LMO2: variants seen among roughly 807,000 people sequenced by gnomAD.
LMO2 encodes LIM domain only 2, also known as rhombotin-2.
LMO2 carries 20 observed loss-of-function variants against 23.2 expected under a neutral mutation model. The ratio of observed to expected loss-of-function variants is 0.86; its 90% CI spans 0.61 to 1.25. The LOEUF (loss-of-function observed/expected upper bound fraction) is 1.25. Ranked by LOEUF, LMO2 falls within the 50% of genes most tolerant of loss-of-function variation. The probability of loss-of-function intolerance (pLI) is 0.00; values close to 1 mark genes in which losing one functional copy is unlikely to be tolerated. For synonymous variants in LMO2, 123 were observed against 130.2 expected (o/e 0.94, Z 0.38); for missense variants, 270 against 315.3 (o/e 0.86, Z 1.09).
rs143851028 is a variant in LMO2 at position 33,864,917 on chromosome 11, G to A, written c.249-100C>T. 78 of 1,027,600 alleles carry A rather than the reference G, an allele frequency of 7.6e-5. 1 individual carries two copies. In the East Asian group the frequency reaches 1.9e-3, roughly 24 times the overall value. The allele number at this position is 1,027,600 out of a possible 1,614,324, so 63.7% of individuals were successfully genotyped here. A position where few individuals can be genotyped will look rare whatever the true frequency, so the allele number is the denominator to read the frequency against. On this transcript the variant is annotated intron_variant, in intron 4 of 5. Coordinates refer to ENST00000257818, the MANE Select transcript of LMO2 (RefSeq NM_005574.4). This position sits in a 1 kb window ranked among gnomAD's most constrained non-coding sequence, Gnocchi z 4.8. ...GCCAGACAGGGCATCTCACCTGACT[G>A]CCTTTCAGTGACCTAAGGGAGAAGG... is the stretch of plus-strand genomic sequence containing the variant.
At chr11:33,891,501 G>T (rs922451931) in intron 1 of LMO2, among the ~76,000 whole-genome samples, 2 of 152,034 alleles carry the variant, frequency 1.3e-5, no homozygotes, top group African/African-American at 4.8e-5. Context: ...GAACAAATTA[G>T]ATGGGTAAAT....
chr11:33,878,926 G>T (rs1857199552), intron 2 of LMO2, among the ~76,000 whole-genome samples: 1 of 152,226 alleles, frequency 6.6e-6, no homozygotes, highest in Admixed American at 6.5e-5. Flanking sequence ...CATTCCTTTT[G>T]AATTGAAGCC....
chr11:33,868,440 C>T (rs1856865660), intron 4 of LMO2, among the ~76,000 whole-genome samples: 1 of 152,160 alleles, frequency 6.6e-6, no homozygotes, highest in African/African-American at 2.4e-5. Flanking sequence ...ATTCTCAAAA[C>T]CAGACAGCTA....
intron 4 of LMO2, among the ~76,000 whole-genome samples, chr11:33,869,112 C>A (rs1157005143): frequency 6.6e-6 from 1 of 152,222 alleles, no homozygotes; most frequent in Non-Finnish European, 1.5e-5. Flanking sequence ...CCTGGAGTGG[C>A]CCGCAGAGGC....
rs1565034656 is a variant in LMO2 at position 33,880,230 on chromosome 11, T to TATATATGTCATATATACACATG, written c.-272+1593_-272+1594insCATGTGTATATATGACATATAT. Reference sequence around the variant, plus strand: ...ATATATATATCATATATACACATGATATATATATCATATATACACATGATA... The same window carrying TATATATGTCATATATACACATG: ...ATATATATATCATATATACACATGATATATATGTCATATATACACATGATATATATCATATATACACATGATA... On this transcript the variant is annotated intron_variant, in intron 2 of 5. Transcript: ENST00000257818. The surrounding 1 kb of genome is among the most constrained non-coding windows in gnomAD (Gnocchi z 4.3). Among the ~76,000 whole-genome samples the TATATATGTCATATATACACATG allele has an allele frequency of 2.8e-5, 4 of 143,756 alleles. 1 individual carries two copies. The highest frequency in any genetic ancestry group is 1.1e-4 in the African/African-American group (4 of 36,976). The allele number at this position is 143,756 out of a possible 152,430, so 94.3% of individuals were successfully genotyped here. A position where few individuals can be genotyped will look rare whatever the true frequency, so the allele number is the denominator to read the frequency against.
chr11:33,868,362 A>C (rs1856862269), intron 4 of LMO2, among the ~76,000 whole-genome samples: 1 of 152,228 alleles, frequency 6.6e-6, no homozygotes, highest in Non-Finnish European at 1.5e-5. Context: ...CAAGTCATTA[A>C]CCAGCTCCTT....
At chr11:33,874,841 C>T (rs1174682767) in intron 2 of LMO2, among the ~76,000 whole-genome samples, 4 of 152,232 alleles carry the variant, frequency 2.6e-5, no homozygotes, top group Non-Finnish European at 5.9e-5. Flanking sequence ...CTGATTTTCC[C>T]CTCCAACAAC....
chr11:33,870,315 A>C (rs1856978353), intron 2 of LMO2: 1 of 968,270 alleles, frequency 1.0e-6, no homozygotes, highest in Non-Finnish European at 1.2e-6. Context: ...AGCAAGCAAG[A>C]AAAGACAAGA....
chr11:33,889,151 T>C (rs936238975), intron 1 of LMO2, among the ~76,000 whole-genome samples: 1 of 152,224 alleles, frequency 6.6e-6, no homozygotes, highest in African/African-American at 2.4e-5. Context: ...TCTGCTCTTC[T>C]TTGAGTGCAG....
chr11:33,866,862 T>C (rs1373258672), intron 4 of LMO2, among the ~76,000 whole-genome samples: 1 of 152,186 alleles, frequency 6.6e-6, no homozygotes, highest in Non-Finnish European at 1.5e-5. Flanking sequence ...AAGCCTTGCT[T>C]TCTTTCCTTT....
In LMO2 at chr11:33,880,222, A is replaced by G. The variant is rs924474378; in HGVS notation, c.-272+1602T>C. On this transcript the variant is annotated intron_variant, in intron 2 of 5. Transcript: ENST00000257818. The surrounding 1 kb of genome is among the most constrained non-coding windows in gnomAD (Gnocchi z 4.3). The stretch of plus-strand genomic sequence containing the variant: ...TACACATGATATATATATCATATAT[A>G]CACATGATATATATATCATATATAC... 6.7e-6 allele frequency among the ~76,000 whole-genome samples: 1 copy of G among 149,098 alleles called. No homozygotes were observed. Among genetic ancestry groups the G allele is most frequent in the Admixed American group, 6.7e-5 (1 of 14,852 alleles).
intron 1 of LMO2, among the ~76,000 whole-genome samples, chr11:33,889,643 A>T (rs1857495730): frequency 6.6e-6 from 1 of 152,246 alleles, no homozygotes; most frequent in Non-Finnish European, 1.5e-5. Context: ...CCCTACATTC[A>T]AGGAACTTAC....
At chr11:33,878,350 C>G (rs1253483093) in intron 2 of LMO2, among the ~76,000 whole-genome samples, 1 of 152,166 alleles carries the variant, frequency 6.6e-6, no homozygotes, top group Admixed American at 6.5e-5. Context: ...TCTCCCTGTT[C>G]TAAAGCTTTG....
At chr11:33,862,718 A>G (rs1208809433) in intron 5 of LMO2, among the ~76,000 whole-genome samples, 1 of 152,194 alleles carries the variant, frequency 6.6e-6, no homozygotes, top group Non-Finnish European at 1.5e-5. Context: ...GACCTTGGCT[A>G]AAGGACCATC....
chr11:33,859,657 G>A, intron 5 of LMO2, 82 bp from the exon 6 acceptor site: 1 of 1,315,148 alleles, frequency 7.6e-7, no homozygotes, highest in South Asian at 1.4e-5. Context: ...GCCCTAGAAA[G>A]GAGGCCGAAC....
At chr11:33,862,323 T>C (rs1856612122) in intron 5 of LMO2, among the ~76,000 whole-genome samples, 1 of 152,178 alleles carries the variant, frequency 6.6e-6, no homozygotes, top group Admixed American at 6.5e-5. Flanking sequence ...GGGGCAGGCA[T>C]ACTTCTGGCT....
intron 2 of LMO2, among the ~76,000 whole-genome samples, chr11:33,875,410 T>C (rs1278939890): frequency 6.6e-6 from 1 of 151,756 alleles, no homozygotes; most frequent in East Asian, 1.9e-4. Flanking sequence ...AAACCCTATC[T>C]CTACTAAAAA....
In LMO2 at chr11:33,859,522, T is replaced by C; in HGVS notation, c.518A>G (p.Tyr173Cys). 6.2e-7 allele frequency: 1 copy of C among 1,614,062 alleles called. No individual in the cohort carries two copies. The highest frequency in any genetic ancestry group is 8.5e-7 in the Non-Finnish European group (1 of 1,180,022). Residue 173 changes from tyrosine to cysteine, a missense_variant, in exon 6 of 6, where the codon TAT becomes TGT. This residue lies in a region of LMO2 where 100 missense variants were observed against 153.3 expected (regional missense o/e 0.65). Coordinates refer to ENST00000257818, the MANE Select transcript of LMO2 (RefSeq NM_005574.4). Reference protein sequence around the residue: ...CASCDKRIRAYEMTMRVKDKV... With the variant: ...CASCDKRIRACEMTMRVKDKV... ...GTCTTTCACCCGCATTGTCATCTCA[T>C]AGGCACGAATCCGCTTGTCACAGGA...
rs572801722 is a variant in LMO2 at position 33,859,557 on chromosome 11, A to G, written c.483T>C (p.Gly161=). Residue 161 remains glycine (G), a synonymous_variant, in exon 6 of 6, where the codon GGT becomes GGC. Transcript: ENST00000257818. ...RDYLRLFGQD[G]LCASCDKRIR... is the part of the protein sequence containing the mutation. ...TCCGCTTGTCACAGGATGCGCAGAG[A>G]CCGTCTTGCCCAAAAAGCCTGGGGC... 36 of 1,614,024 alleles carry G rather than the reference A, an allele frequency of 2.2e-5. No homozygotes were observed. In the South Asian group the frequency reaches 4.0e-4, roughly 18 times the overall value.
Sources: allele counts gnomAD v4.1 joint callset (sites outside exome capture counted in the v4.1 genomes callset), GRCh38; gene constraint gnomAD v4.1.1; regional missense constraint gnomAD v4.1.1; non-coding constraint Gnocchi (gnomAD v3.1); transcripts MANE v1.5; gene names NCBI Gene and HGNC (gene_info 2026-07-23, HGNC 2026-07-21).